Variants in WNT7B observed in about 807,000 individuals in gnomAD.
WNT7B encodes the protein Wnt family member 7B, also known as protein Wnt-7b.
A neutral mutation model predicts 38.2 loss-of-function variants in WNT7B; 19 were observed. The observed-to-expected ratio is 0.50, with a 90% CI of 0.35 to 0.73. The LOEUF (loss-of-function observed/expected upper bound fraction) is 0.73, where lower values mean the gene tolerates loss of function less well. Among genes scored for constraint, WNT7B ranks in the 30% least tolerant of loss-of-function variants. WNT7B has a pLI of 0.01. For missense variants in WNT7B, 423 were observed against 507.9 expected (o/e 0.83, Z 1.61); for synonymous variants, 243 against 209.3 (o/e 1.16, Z -1.39).
At chr22:45,932,983 C>A (rs1184162969) in intron 2 of WNT7B, among the ~76,000 whole-genome samples, 1 of 152,240 alleles carries the variant, frequency 6.6e-6, no homozygotes, top group African/African-American at 2.4e-5. Context: ...CTACTGAGCA[C>A]CAACGGCATG....
intron 1 of WNT7B, among the ~76,000 whole-genome samples, chr22:45,968,890 C>T (rs1932368547): frequency 1.3e-5 from 2 of 152,236 alleles, no homozygotes; most frequent in South Asian, 4.1e-4. Flanking sequence ...CCAAGTGACC[C>T]ATGAGGAGAC....
Position 45,966,900 on chromosome 22 carries a change from C to T in WNT7B, c.71+9784G>A, listed in dbSNP as rs1169959889. ...GCTTCTCTGCCCAGGCAGGGACCCT[C>T]CCCAGCATCCCCGGCCCTCACTCCT... On this transcript the variant is annotated intron_variant, in intron 1 of 3. Coordinates refer to ENST00000339464, the MANE Select transcript of WNT7B (RefSeq NM_058238.3). This position sits in a 1 kb window ranked among gnomAD's most constrained non-coding sequence, Gnocchi z 4.2. Among the ~76,000 whole-genome samples, 3 of 152,064 alleles carry T rather than the reference C, an allele frequency of 2.0e-5. No individual in the cohort carries two copies. Among genetic ancestry groups the T allele is most frequent in the Non-Finnish European group, 4.4e-5 (3 of 68,012 alleles).
At chr22:45,953,816 G>A (rs1931996194) in intron 1 of WNT7B, among the ~76,000 whole-genome samples, 1 of 152,126 alleles carries the variant, frequency 6.6e-6, no homozygotes, top group African/African-American at 2.4e-5. Flanking sequence ...ATTGACGATA[G>A]GAGCGGACAA....
At chr22:45,957,474 A>C (rs976487186) in intron 1 of WNT7B, among the ~76,000 whole-genome samples, 1 of 151,686 alleles carries the variant, frequency 6.6e-6, no homozygotes, top group African/African-American at 2.4e-5. Context: ...ACCTAAGGTC[A>C]GGAGTTTGAG....
intron 1 of WNT7B, among the ~76,000 whole-genome samples, chr22:45,974,193 G>C (rs1386483501): frequency 6.6e-6 from 1 of 152,184 alleles, no homozygotes; most frequent in African/African-American, 2.4e-5. Flanking sequence ...CGCAGTGAAG[G>C]GGGTGTTGTG....
At chr22:45,945,585 T>C (rs914770279) in intron 2 of WNT7B, among the ~76,000 whole-genome samples, 4 of 152,246 alleles carry the variant, frequency 2.6e-5, no homozygotes, top group African/African-American at 7.2e-5. Flanking sequence ...CAGAGGTGGC[T>C]TGGGGTCACC....
intron 1 of WNT7B, among the ~76,000 whole-genome samples, chr22:45,959,005 G>C (rs918544451): frequency 2.0e-5 from 3 of 152,218 alleles, no homozygotes; most frequent in Admixed American, 1.3e-4. Flanking sequence ...AGCCCCCATA[G>C]CTGGGTCCAG....
At chr22:45,939,079 AT>A (rs1931580335) in intron 2 of WNT7B, among the ~76,000 whole-genome samples, 2 of 152,218 alleles carry the variant, frequency 1.3e-5, no homozygotes, top group Non-Finnish European at 2.9e-5. Context: ...CGCACTAGGA[AT>A]AAAAGGCAAA....
intron 3 of WNT7B, chr22:45,927,135 C>T: frequency 1.0e-6 from 1 of 985,458 alleles, no homozygotes; most frequent in Non-Finnish European, 1.2e-6. Flanking sequence ...GGGGCATGGC[C>T]TCTGTCTGCC....
chr22:45,927,123 TGGG>T (rs988419572), intron 3 of WNT7B: 1 of 985,280 alleles, frequency 1.0e-6, no homozygotes, highest in African/African-American at 1.7e-5. Context: ...GGGTTGGTCT[TGGG>T]GGCATGGCCT....
chr22:45,940,533 C>T (rs975663857), intron 2 of WNT7B, among the ~76,000 whole-genome samples: 1 of 152,260 alleles, frequency 6.6e-6, no homozygotes, highest in African/African-American at 2.4e-5. Context: ...CAGCCTCCCT[C>T]CTGGCTGGAC....
rs113410984 is a variant in WNT7B at position 45,976,175 on chromosome 22, G to A, written c.71+509C>T. On this transcript the variant is annotated intron_variant, in intron 1 of 3. Coordinates refer to ENST00000339464, the MANE Select transcript of WNT7B (RefSeq NM_058238.3). The surrounding 1 kb of genome is among the most constrained non-coding windows in gnomAD (Gnocchi z 8.5). ...GTCAAGGTAATTTCAACACGTCTGG[G>A]TGATGGATAGAGACGAAGGGCCGCG... Among the ~76,000 whole-genome samples, 1,876 of 146,156 alleles carry A rather than the reference G, an allele frequency of 0.013. 21 individuals are homozygous for A. Among genetic ancestry groups the A allele is most frequent in the Non-Finnish European group, 0.02 (1,323 of 65,592 alleles).
At chr22:45,926,759 C>G in intron 3 of WNT7B, 5 of 985,416 alleles carry the variant, frequency 5.1e-6, no homozygotes, top group Non-Finnish European at 6.0e-6. Context: ...CTGCTTCACC[C>G]TCTGACCACG....
intron 2 of WNT7B, 116 bp from the exon 3 acceptor site, chr22:45,931,485 C>T: frequency 7.9e-7 from 1 of 1,264,212 alleles, no homozygotes; most frequent in Non-Finnish European, 1.1e-6. Context: ...TGACCCTGGG[C>T]TCATCGCTCG....
At chr22:45,974,915 G>A (rs904634770) in intron 1 of WNT7B, among the ~76,000 whole-genome samples, 3 of 152,150 alleles carry the variant, frequency 2.0e-5, no homozygotes, top group African/African-American at 7.2e-5. Flanking sequence ...AGCAGCCCCA[G>A]GAGCCGGGCT....
At position 45,941,079 on chromosome 22, in the gene WNT7B, A is replaced by C. The variant is rs535146676; in HGVS notation, c.298+8841T>G. 3.3e-5 allele frequency among the ~76,000 whole-genome samples: 5 copies of C among 152,312 alleles called. No individual in the cohort carries two copies. The South Asian group carries it at 1.0e-3, about 32-fold the overall frequency. ...GGGACCCTCCACCCCACCCACCGGG[A>C]GGCCTGTGCAAGGGTTTGGGTAAGA... On this transcript the variant is annotated intron_variant, in intron 2 of 3. Coordinates refer to ENST00000339464, the MANE Select transcript of WNT7B (RefSeq NM_058238.3).
intron 3 of WNT7B, among the ~76,000 whole-genome samples, chr22:45,929,393 C>T (rs1677382446): frequency 6.9e-6 from 1 of 145,334 alleles, no homozygotes; most frequent in Non-Finnish European, 1.6e-5. Flanking sequence ...CTCACCCATC[C>T]ATCCTTCCAT....
At chr22:45,952,388 C>A (rs1265889252) in intron 1 of WNT7B, among the ~76,000 whole-genome samples, 1 of 151,470 alleles carries the variant, frequency 6.6e-6, no homozygotes, top group Non-Finnish European at 1.5e-5. Flanking sequence ...CTGGCCAAGA[C>A]CTCCCTGGGT....
intron 3 of WNT7B, chr22:45,927,320 G>A (rs1418023405): frequency 1.0e-6 from 1 of 985,312 alleles, no homozygotes; most frequent in Non-Finnish European, 1.2e-6. Context: ...GGAGCTTGGG[G>A]AAGGGCAGCC....
Sources: gnomAD v4.1 joint callset for allele counts (sites outside exome capture counted in the v4.1 genomes callset) on GRCh38, gnomAD v4.1.1 for gene constraint, Gnocchi (gnomAD v3.1) non-coding constraint, MANE v1.5 for transcripts, NCBI Gene and HGNC (gene_info 2026-07-23, HGNC 2026-07-21) for gene names.